Variants in GAB4 observed in about 807,000 individuals in gnomAD.
GAB4 encodes GRB2-associated-binding protein 4.
Under a neutral mutation model 51.3 loss-of-function variants are expected in GAB4, and 26 were observed. The ratio of observed to expected loss-of-function variants is 0.51; its 90% CI spans 0.37 to 0.70. The LOEUF (loss-of-function observed/expected upper bound fraction) is 0.70, where lower values mean the gene tolerates loss of function less well. Among genes scored for constraint, GAB4 ranks in the 30% least tolerant of loss-of-function variants. The pLI is 0.00. For missense variants in GAB4, 759 were observed against 734.6 expected, an observed-to-expected ratio of 1.03 and a Z score of -0.38; for synonymous variants, 329 against 291.2, an observed-to-expected ratio of 1.13 and a Z score of -1.32.
intron 1 of GAB4, among the ~76,000 whole-genome samples, chr22:17,002,401 C>T (rs563133461): frequency 4.4e-4 from 67 of 152,198 alleles, no homozygotes; most frequent in African/African-American, 1.5e-3. Context: ...CTAAGGGATT[C>T]TGTCACCACC....
At chr22:17,002,408 C>G (rs1260803570) in intron 1 of GAB4, among the ~76,000 whole-genome samples, 2 of 151,946 alleles carry the variant, frequency 1.3e-5, no homozygotes, top group Non-Finnish European at 2.9e-5. Flanking sequence ...ATTCTGTCAC[C>G]ACCAGGCCTG....
chr22:16,969,492 T>A (rs2123652682), intron 4 of GAB4: 1 of 472,846 alleles, frequency 2.1e-6, no homozygotes, highest in East Asian at 3.1e-5. Flanking sequence ...AACTTGACTA[T>A]CAGTGACCTG....
In GAB4 at chr22:16,998,199, G is replaced by C. The variant is rs368355603; in HGVS notation, c.175-6023C>G. On this transcript the variant is annotated intron_variant, in intron 1 of 9. Transcript: ENST00000400588. ...CTGTGAAGAAAGTCATTGGTAGCTT[G>C]ATGGGGATGGCACTGAATCTATAAA... Among the ~76,000 whole-genome samples the C allele has an allele frequency of 1.1e-4, 17 of 152,322 alleles. 1 individual carries two copies. In the South Asian group the frequency reaches 3.5e-3, roughly 32 times the overall value.
chr22:16,968,406 A>G (rs747997610), intron 4 of GAB4, 23 bp from the exon 5 acceptor site: 1 of 1,561,334 alleles, frequency 6.4e-7, no homozygotes, highest in South Asian at 1.1e-5. Flanking sequence ...AAGGAGATCC[A>G]CATGCATCAC....
chr22:16,996,393 T>C (rs1349671758), intron 1 of GAB4, among the ~76,000 whole-genome samples: 1 of 152,022 alleles, frequency 6.6e-6, no homozygotes, highest in Non-Finnish European at 1.5e-5. Flanking sequence ...TTAAGGATAT[T>C]ATCCAGGAGA....
chr22:17,002,760 G>C (rs1341278452), intron 1 of GAB4, among the ~76,000 whole-genome samples: 5 of 152,030 alleles, frequency 3.3e-5, no homozygotes, highest in African/African-American at 1.2e-4. Context: ...ACACCAACAT[G>C]GCACACGTAT....
At position 16,968,353 on chromosome 22, in the gene GAB4, C is replaced by T; in HGVS notation, c.968G>A (p.Gly323Glu). ...ASSGKYTQHG[G>E]GNASRPAESM... ...CTCAGCAGGCCGGCTGGCATTCCCT[C>T]CACCATGCTGGGTGTACTTGCCGGA... is the stretch of plus-strand genomic sequence containing the variant. The change falls in exon 5 of 10, where the codon GGA (glycine) becomes GAA (glutamate). Residue 323 changes from glycine (G) to glutamate (E), a missense_variant. By Grantham distance (98) the Gly-to-Glu change is moderately conservative. Around this residue, in one of 3 missense-constraint regions of GAB4, gnomAD observed 588 missense variants for 510.2 expected, o/e 1.15. Coordinates refer to ENST00000400588, the MANE Select transcript of GAB4 (RefSeq NM_001037814.1). The T allele has an allele frequency of 6.2e-7, 1 of 1,614,080 alleles. No individual in the cohort carries two copies. The highest frequency in any genetic ancestry group is 8.5e-7 in the Non-Finnish European group (1 of 1,179,936).
At chr22:16,988,209 T>G (rs752813499) in intron 2 of GAB4, 42 bp from the exon 3 acceptor site, 1 of 1,415,292 alleles carries the variant, frequency 7.1e-7, no homozygotes, top group Admixed American at 1.8e-5. Context: ...TGTCCTAAAG[T>G]GGGCTGCTAG....
chr22:16,963,310 C>T (rs2060644243), intron 9 of GAB4, among the ~76,000 whole-genome samples: 1 of 152,202 alleles, frequency 6.6e-6, no homozygotes, highest in African/African-American at 2.4e-5. Context: ...GCTACATGTG[C>T]TTTCTCGGGA....
chr22:16,977,477 T>C (rs1339656769), intron 3 of GAB4, among the ~76,000 whole-genome samples: 1 of 152,174 alleles, frequency 6.6e-6, no homozygotes, highest in South Asian at 2.1e-4. Flanking sequence ...AAGAGTTAAC[T>C]ATCCTAAATA....
At position 16,964,774 on chromosome 22, in the gene GAB4, G is replaced by T; in HGVS notation, c.1468C>A (p.Leu490Ile). ...TDSEDSGERY[L>I]FPNPASAFPV... ...GACCCCCAAGGACTCACCGGGAAAA[G>T]ATACCTCTCTCCACTGTCTTCTGAG... The change falls in exon 8 of 10, where the codon CTT becomes ATT. Residue 490 changes from leucine (L) to isoleucine (I), a missense_variant. Transcript: ENST00000400588. 1 of 1,612,206 alleles carries T rather than the reference G, an allele frequency of 6.2e-7. No individual in the cohort carries two copies. The highest frequency in any genetic ancestry group is 2.2e-5 in the East Asian group (1 of 44,872).
intron 3 of GAB4, among the ~76,000 whole-genome samples, chr22:16,986,463 C>T (rs2060868838): frequency 6.6e-6 from 1 of 152,202 alleles, no homozygotes. Context: ...TGAGCATCTG[C>T]CACTGTGCAC....
rs1175000082 is a variant in GAB4 at position 17,005,527 on chromosome 22, A to T, written c.174+2414T>A. The stretch of plus-strand genomic sequence containing the variant: ...TTTAAATTTCACATGTAACCAAAAA[A>T]GAGCCCGTATAGCCAAGACAATCCT... On this transcript the variant is annotated intron_variant, in intron 1 of 9. Coordinates refer to ENST00000400588, the MANE Select transcript of GAB4 (RefSeq NM_001037814.1). Among the ~76,000 whole-genome samples the T allele has an allele frequency of 3.3e-5, 5 of 152,236 alleles. 1 individual carries two copies. The highest frequency in any genetic ancestry group is 4.1e-4 in the South Asian group (2 of 4,830).
intron 4 of GAB4, 171 bp downstream of exon 4, chr22:16,969,772 C>A: frequency 1.2e-6 from 1 of 800,592 alleles, no homozygotes; most frequent in South Asian, 1.6e-5. Context: ...GGAAGGGAGG[C>A]TATGGGCCCA....
rs1249831603 is a variant in GAB4 at position 16,988,081 on chromosome 22, C to T, written c.565G>A (p.Glu189Lys). Residue 189 changes from glutamate (E) to lysine (K), a missense_variant, in exon 3 of 10, where the codon GAA becomes AAA. Transcript: ENST00000400588. The part of the protein sequence containing the change: ...PSCSHQHLPQ[E>K]QEPTSEPPVS... ...GGGGGCTCAGATGTGGGTTCTTGTT[C>T]TTGGGGGAGGTGCTGATGGGAGCAG... 5 of 1,608,528 alleles carry T rather than the reference C, an allele frequency of 3.1e-6. No individual in the cohort carries two copies. Among genetic ancestry groups the T allele is most frequent in the South Asian group, 1.1e-5 (1 of 90,058 alleles).
At chr22:17,003,111 A>G (rs1338060917) in intron 1 of GAB4, among the ~76,000 whole-genome samples, 1 of 152,250 alleles carries the variant, frequency 6.6e-6, no homozygotes, top group Non-Finnish European at 1.5e-5. Flanking sequence ...TAAAGGGATC[A>G]ATGCAACAAG....
At chr22:17,000,210 CT>C (rs2060986438) in intron 1 of GAB4, among the ~76,000 whole-genome samples, 1 of 152,176 alleles carries the variant, frequency 6.6e-6, no homozygotes, top group Non-Finnish European at 1.5e-5. Flanking sequence ...AATTTTCTGT[CT>C]TGTTGATCTG....
intron 1 of GAB4, among the ~76,000 whole-genome samples, chr22:17,006,936 C>T (rs1253720133): frequency 6.6e-6 from 1 of 152,094 alleles, no homozygotes; most frequent in Non-Finnish European, 1.5e-5. Context: ...AGCAAACCAC[C>T]ATGACACGTG....
At position 16,965,170 on chromosome 22, in the gene GAB4, A is replaced by T; in HGVS notation, c.1379+8T>A. ...CCCAAGCTCCTGTTTCCACTGACAG[A>T]CACTCACCTGGTCCCAGACCAGGGC... On this transcript the variant is annotated splice_region_variant and intron_variant, in intron 7 of 9. Coordinates refer to ENST00000400588, the MANE Select transcript of GAB4 (RefSeq NM_001037814.1). 6.2e-7 allele frequency: 1 copy of T among 1,606,192 alleles called. No homozygotes were observed. Among genetic ancestry groups the T allele is most frequent in the Non-Finnish European group, 8.5e-7 (1 of 1,174,732 alleles).
Sources: allele counts gnomAD v4.1 joint callset (sites outside exome capture counted in the v4.1 genomes callset), GRCh38; gene constraint gnomAD v4.1.1; regional missense constraint gnomAD v4.1.1; transcripts MANE v1.5; gene names NCBI Gene and HGNC (gene_info 2026-07-23, HGNC 2026-07-21).